The following BTN2A1 variants were observed in gnomAD, a reference collection of about 807,000 sequenced individuals.
BTN2A1 encodes butyrophilin subfamily 2 member A1, also known as butyrophilin, subfamily 2, member A1.
A neutral mutation model predicts 34.5 loss-of-function variants in BTN2A1; 41 were observed. The observed-to-expected ratio is 1.19, with a 90% CI of 0.93 to 1.54. The LOEUF is 1.54. Ranked by LOEUF, BTN2A1 falls within the 40% of genes most tolerant of loss-of-function variation. The pLI is 0.00. For missense variants in BTN2A1, 642 were observed against 662.0 expected (o/e 0.97, Z 0.33); for synonymous variants, 267 against 258.6 (o/e 1.03, Z -0.31).
Position 26,465,165 on chromosome 6 carries a change from A to G in BTN2A1, c.713-20A>G, listed in dbSNP as rs1763274516. ...ATGTTCTGTTTCAAACTAAGTGGAT[A>G]TTTCTGGCTGCCTTTTCAGAATCCT... On this transcript the variant is annotated intron_variant, in intron 4 of 7. Transcript: ENST00000312541. 6.2e-7 allele frequency: 1 copy of G among 1,605,878 alleles called. No homozygotes were observed. The highest frequency in any genetic ancestry group is 8.5e-7 in the Non-Finnish European group (1 of 1,172,704).
intron 5 of BTN2A1, 72 bp from the exon 6 acceptor site, chr6:26,465,881 C>G: frequency 6.2e-7 from 1 of 1,609,952 alleles, no homozygotes; most frequent in Non-Finnish European, 8.5e-7. Flanking sequence ...ACGGTTCCTG[C>G]ATTGTTTACT....
intron 7 of BTN2A1, among the ~76,000 whole-genome samples, chr6:26,466,429 A>G (rs777693074): frequency 6.6e-6 from 1 of 152,158 alleles, no homozygotes; most frequent in Non-Finnish European, 1.5e-5. Flanking sequence ...AAAAAAGACA[A>G]TGCTATCTTA....
At position 26,468,928 on chromosome 6, in the gene BTN2A1, A is replaced by G; in HGVS notation, c.*379A>G. ...GATATGGACTTGGAATGAGGCCTAC[A>G]GGGTTCACCAGGATGTAAGAGGAGA... On this transcript the variant is annotated 3_prime_UTR_variant, in exon 8 of 8. Coordinates refer to ENST00000312541, the MANE Select transcript of BTN2A1 (RefSeq NM_007049.5). 8.0e-7 allele frequency: 1 copy of G among 1,247,492 alleles called. No homozygotes were observed. The allele number at this position is 1,247,492 out of a possible 1,614,324, so 77.3% of individuals were successfully genotyped here.
Position 26,459,838 on chromosome 6 carries a change from T to G in BTN2A1, c.430+10T>G, listed in dbSNP as rs774915317. On this transcript the variant is annotated intron_variant, in intron 3 of 7. Coordinates refer to ENST00000312541, the MANE Select transcript of BTN2A1 (RefSeq NM_007049.5). Reference sequence around the variant, plus strand: ...CACCTCGTAGTGGCAGGTGCGTCGCTTCATTTTGCTTTGTTACTTTGGCAC... The same window carrying G: ...CACCTCGTAGTGGCAGGTGCGTCGCGTCATTTTGCTTTGTTACTTTGGCAC... The G allele has an allele frequency of 3.7e-6, 6 of 1,605,234 alleles. No homozygotes were observed. In the South Asian group the frequency reaches 6.6e-5, roughly 18 times the overall value.
chr6:26,465,917 C>T (rs372596988), intron 5 of BTN2A1, 36 bp from the exon 6 acceptor site: 26 of 1,613,838 alleles, frequency 1.6e-5, no homozygotes, highest in Non-Finnish European at 2.1e-5. Context: ...TTTAGTTCTT[C>T]TGTCAAAGAC....
chr6:26,466,087 T>G lies in BTN2A1; in HGVS notation c.981T>G (p.Ala327=), dbSNP rs1461729519. 6.2e-7 allele frequency: 1 copy of G among 1,613,710 alleles called. No individual in the cohort carries two copies. Among genetic ancestry groups the G allele is most frequent in the South Asian group, 1.1e-5 (1 of 91,056 alleles). Residue 327 remains alanine (A), a splice_region_variant and synonymous_variant, in exon 7 of 8, where the codon GCT becomes GCG. Coordinates refer to ENST00000312541, the MANE Select transcript of BTN2A1 (RefSeq NM_007049.5). ...ELRWRRTFLH[A]VDVVLDPDTA... is the part of the protein sequence containing the mutation. ...GATGGAGAAGAACATTCTTACATGC[T>G]GGTGAGTGCCTCTGATGTTCCCTCA...
chr6:26,460,494 G>A lies in BTN2A1; in HGVS notation c.430+666G>A, dbSNP rs938044250. On this transcript the variant is annotated intron_variant, in intron 3 of 7. Coordinates refer to ENST00000312541, the MANE Select transcript of BTN2A1 (RefSeq NM_007049.5). ...TCCATAGAGAAAGACTACGAATTTTGCTGGGAGGTAATAGGGAAGCCTTCC... is the reference window on the plus strand; with the variant it reads ...TCCATAGAGAAAGACTACGAATTTTACTGGGAGGTAATAGGGAAGCCTTCC... 9.2e-5 allele frequency among the ~76,000 whole-genome samples: 14 copies of A among 152,222 alleles called. 1 individual carries two copies. In the South Asian group the frequency reaches 1.7e-3, roughly 18 times the overall value.
At chr6:26,475,216 C>T (rs1763518134) in intron 7 of BTN2A1, among the ~76,000 whole-genome samples, 1 of 152,194 alleles carries the variant, frequency 6.6e-6, no homozygotes, top group Non-Finnish European at 1.5e-5. Context: ...CACAACAGCC[C>T]GTCAACACCC....
intron 3 of BTN2A1, among the ~76,000 whole-genome samples, chr6:26,462,348 G>A (rs1763187711): frequency 6.6e-6 from 1 of 152,056 alleles, no homozygotes; most frequent in African/African-American, 2.4e-5. Flanking sequence ...TTTCTAATAA[G>A]TTGATGTTCT....
chr6:26,466,114 A>G, intron 7 of BTN2A1, 26 bp downstream of exon 7: 3 of 1,612,992 alleles, frequency 1.9e-6, no homozygotes, highest in Non-Finnish European at 2.5e-6. Flanking sequence ...GTTCCCTCAG[A>G]TCTCAGCTTT....
intron 7 of BTN2A1, among the ~76,000 whole-genome samples, chr6:26,467,471 C>A (rs571991191): frequency 6.6e-6 from 1 of 152,146 alleles, no homozygotes; most frequent in South Asian, 2.1e-4. Context: ...ACCACCATGC[C>A]CGGCTAATTT....
rs199920614 is a variant in BTN2A1, at chr6:26,468,251, G to A, written c.1286G>A (p.Gly429Glu). Reference sequence around the variant, plus strand: ...TTCTGGACCTTGGAGATGCATAAAGGGCAATACCGGGCCGTGTCCTCCCCT... The same window carrying A: ...TTCTGGACCTTGGAGATGCATAAAGAGCAATACCGGGCCGTGTCCTCCCCT... Reference protein sequence around the residue: ...NGFWTLEMHKGQYRAVSSPDR... With the variant: ...NGFWTLEMHKEQYRAVSSPDR... The change falls in exon 8 of 8, where the codon GGG becomes GAG. Residue 429 changes from glycine to glutamate, a missense_variant. Transcript: ENST00000312541. 6 of 1,614,152 alleles carry A rather than the reference G, an allele frequency of 3.7e-6. No individual in the cohort carries two copies. The highest frequency in any genetic ancestry group is 2.2e-5 in the East Asian group (1 of 44,874).
chr6:26,468,821 T>C lies in BTN2A1; in HGVS notation c.*272T>C, dbSNP rs1174457918. On this transcript the variant is annotated 3_prime_UTR_variant, in exon 8 of 8. Transcript: ENST00000312541. ...ACACAGCTCCCAGCCAAGAAGAAAG[T>C]GTGAGAAGTTGATGGGCAGCAAACC... 6.4e-7 allele frequency: 1 copy of C among 1,552,662 alleles called. No individual in the cohort carries two copies. Among genetic ancestry groups the C allele is most frequent in the African/African-American group, 1.4e-5 (1 of 73,666 alleles).
chr6:26,468,031 A>G lies in BTN2A1; in HGVS notation c.1066A>G (p.Arg356Gly), dbSNP rs1763364872. 1.9e-6 allele frequency: 3 copies of G among 1,614,238 alleles called. No homozygotes were observed. Among genetic ancestry groups the G allele is most frequent in the African/African-American group, 1.3e-5 (1 of 75,058 alleles). Residue 356 changes from arginine to glycine, a missense_variant, in exon 8 of 8, where the codon AGG becomes GGG. Transcript: ENST00000312541. ...DRRSVRRCPF[R>G]HLGESVPDNP... ...GAGAAGTGTGAGAAGGTGCCCCTTC[A>G]GGCACCTAGGGGAGAGCGTGCCTGA...
intron 7 of BTN2A1, among the ~76,000 whole-genome samples, chr6:26,467,303 A>G (rs4518487): frequency 0.3 from 45,668 of 151,974 alleles, 9,575 homozygotes; most frequent in African/African-American, 0.6. Context: ...ATAGGTCTTC[A>G]TTTGGGGTTT....
Position 26,468,280 on chromosome 6 carries a change from A to G in BTN2A1, c.1315A>G (p.Arg439Gly), listed in dbSNP as rs1763376763. 1 of 1,614,070 alleles carries G rather than the reference A, an allele frequency of 6.2e-7. No individual in the cohort carries two copies. The highest frequency in any genetic ancestry group is 8.5e-7 in the Non-Finnish European group (1 of 1,180,032). The change falls in exon 8 of 8, where the codon AGG becomes GGG. Residue 439 changes from arginine (R) to glycine (G), a missense_variant. By Grantham distance (125) the Arg-to-Gly change is moderately radical (BLOSUM62 -2). Coordinates refer to ENST00000312541, the MANE Select transcript of BTN2A1 (RefSeq NM_007049.5). ...GQYRAVSSPD[R>G]ILPLKESLCR... The stretch of plus-strand genomic sequence containing the variant: ...ATACCGGGCCGTGTCCTCCCCTGAT[A>G]GGATTCTCCCTTTGAAGGAGTCCCT...
downstream of BTN2A1, among the ~76,000 whole-genome samples, chr6:26,473,316 GAAAC>G (rs756306034): frequency 7.0e-4 from 107 of 152,254 alleles, no homozygotes; most frequent in Non-Finnish European, 1.4e-3. Flanking sequence ...GTCAGAGTGA[GAAAC>G]AAATACACAT....
intron 3 of BTN2A1, among the ~76,000 whole-genome samples, chr6:26,460,319 A>G (rs4365923): frequency 0.011 from 1,645 of 152,308 alleles, 29 homozygotes; most frequent in African/African-American, 0.038. Context: ...GAGAACTACA[A>G]CATATCAAAT....
downstream of BTN2A1, among the ~76,000 whole-genome samples, chr6:26,471,319 C>T (rs1763445385): frequency 6.6e-6 from 1 of 152,078 alleles, no homozygotes; most frequent in African/African-American, 2.4e-5. Flanking sequence ...AAATGTAAGA[C>T]CAAGGCACCA....
Sources: allele counts gnomAD v4.1 joint callset (sites outside exome capture counted in the v4.1 genomes callset), GRCh38; gene constraint gnomAD v4.1.1; transcripts MANE v1.5; gene names NCBI Gene and HGNC (gene_info 2026-07-23, HGNC 2026-07-21).